Variants in MYO5B observed in about 807,000 individuals in gnomAD.
The protein encoded by MYO5B is unconventional myosin-Vb.
Under a neutral mutation model 229.3 loss-of-function variants are expected in MYO5B, and 143 were observed. The ratio of observed to expected loss-of-function variants is 0.62; its 90% CI spans 0.54 to 0.72. MYO5B has a LOEUF of 0.72. Among genes scored for constraint, MYO5B ranks in the 30% least tolerant of loss-of-function variants. The pLI, the probability that MYO5B is intolerant of heterozygous loss-of-function variation, is 0.00. For missense variants in MYO5B, 2,321 were observed against 2,331.0 expected (o/e 1.00, Z 0.09); for synonymous variants, 918 against 885.2 (o/e 1.04, Z -0.66).
At chr18:49,867,650 A>G (rs1050258956) in intron 27 of MYO5B, among the ~76,000 whole-genome samples, 4 of 152,212 alleles carry the variant, frequency 2.6e-5, no homozygotes, top group Non-Finnish European at 5.9e-5. Context: ...GAGGATGACC[A>G]CTACAAAGTA....
At chr18:50,148,842 G>A (rs1290534359) in intron 1 of MYO5B, among the ~76,000 whole-genome samples, 1 of 152,176 alleles carries the variant, frequency 6.6e-6, no homozygotes, top group Non-Finnish European at 1.5e-5. Flanking sequence ...AGGGCAATTA[G>A]GCAAGAGAAG....
chr18:49,960,957 G>C (rs2025552196), intron 12 of MYO5B, among the ~76,000 whole-genome samples: 2 of 152,204 alleles, frequency 1.3e-5, no homozygotes, highest in South Asian at 4.1e-4. Context: ...TAGCATCCCA[G>C]AGGCCTGGGT....
chr18:50,049,017 A>T (rs1245539637), intron 2 of MYO5B, among the ~76,000 whole-genome samples: 1 of 83,916 alleles, frequency 1.2e-5, no homozygotes, highest in African/African-American at 4.0e-5. Context: ...GTGAGACTCC[A>T]TCTCAGGAAA....
chr18:50,025,053 T>C (rs577014786), intron 4 of MYO5B, among the ~76,000 whole-genome samples: 79 of 152,344 alleles, frequency 5.2e-4, no homozygotes, highest in Non-Finnish European at 6.5e-4. Flanking sequence ...CTCATAGTTA[T>C]GTGGTGCCTA....
chr18:50,030,039 A>C (rs2026370765), intron 4 of MYO5B, among the ~76,000 whole-genome samples: 1 of 152,194 alleles, frequency 6.6e-6, no homozygotes, highest in Non-Finnish European at 1.5e-5. Flanking sequence ...TATTTTATTT[A>C]AAACTTGATC....
At chr18:49,927,050 G>A (rs1360547651) in intron 17 of MYO5B, among the ~76,000 whole-genome samples, 1 of 152,190 alleles carries the variant, frequency 6.6e-6, no homozygotes, top group African/African-American at 2.4e-5. Flanking sequence ...CGCAGTTTCA[G>A]TTTTGCAAGA....
chr18:50,012,844 C>G (rs1409476894), intron 4 of MYO5B, among the ~76,000 whole-genome samples: 1 of 152,202 alleles, frequency 6.6e-6, no homozygotes, highest in Non-Finnish European at 1.5e-5. Context: ...CCTTCCTCCT[C>G]CCATGCAAGG....
At chr18:49,899,158 C>T (rs558452875) in intron 21 of MYO5B, among the ~76,000 whole-genome samples, 1 of 152,188 alleles carries the variant, frequency 6.6e-6, no homozygotes, top group South Asian at 2.1e-4. Flanking sequence ...ACACCTTCAC[C>T]TGTGGTGTCC....
At chr18:50,134,447 C>T (rs1044097302) in intron 1 of MYO5B, among the ~76,000 whole-genome samples, 3 of 151,588 alleles carry the variant, frequency 2.0e-5, no homozygotes, top group East Asian at 3.9e-4. Context: ...CCCAGCTACT[C>T]GGGAGGCTGA....
intron 7 of MYO5B, among the ~76,000 whole-genome samples, chr18:49,986,911 A>G (rs2025876318): frequency 6.6e-6 from 1 of 152,202 alleles, no homozygotes; most frequent in South Asian, 2.1e-4. Flanking sequence ...CCTATTGTAG[A>G]AAAACGACAA....
intron 14 of MYO5B, among the ~76,000 whole-genome samples, chr18:49,949,290 T>C (rs2025407493): frequency 6.6e-6 from 1 of 150,612 alleles, no homozygotes; most frequent in African/African-American, 2.4e-5. Flanking sequence ...TCCTGGTTGA[T>C]AAATTATTCC....
intron 1 of MYO5B, among the ~76,000 whole-genome samples, chr18:50,081,807 T>C (rs2031227904): frequency 6.6e-6 from 1 of 151,902 alleles, no homozygotes; most frequent in Non-Finnish European, 1.5e-5. Flanking sequence ...AAGCCCACAA[T>C]TGAGGAATTC....
chr18:50,036,181 T>C (rs78513036), intron 4 of MYO5B, among the ~76,000 whole-genome samples: 1,759 of 152,328 alleles, frequency 0.012, 13 homozygotes, highest in South Asian at 0.019. Flanking sequence ...GAGACCTGCA[T>C]TTCCCCCAAA....
intron 1 of MYO5B, among the ~76,000 whole-genome samples, chr18:50,166,132 C>A (rs2032848045): frequency 6.6e-6 from 1 of 152,154 alleles, no homozygotes; most frequent in Non-Finnish European, 1.5e-5. Flanking sequence ...GGCGGGGGTT[C>A]TCTGTATTAG....
chr18:49,842,106 A>T (rs2024065292), intron 34 of MYO5B, among the ~76,000 whole-genome samples: 1 of 152,130 alleles, frequency 6.6e-6, no homozygotes, highest in Admixed American at 6.5e-5. Context: ...AAAAAAAAAA[A>T]AAAAGAAATG....
At chr18:50,042,776 C>T (rs1011906691) in intron 2 of MYO5B, among the ~76,000 whole-genome samples, 3 of 152,122 alleles carry the variant, frequency 2.0e-5, no homozygotes, top group African/African-American at 2.4e-5. Context: ...CCTCCTCTCC[C>T]GGGCTCTGCA....
chr18:49,964,420 T>G (rs538410700), intron 10 of MYO5B, among the ~76,000 whole-genome samples: 121 of 152,330 alleles, frequency 7.9e-4, no homozygotes, highest in South Asian at 3.3e-3. Context: ...AGAATTTTTA[T>G]ATCGAGATGT....
Position 50,155,480 on chromosome 18 carries a change from CA to C in MYO5B, c.27+39286del, listed in dbSNP as rs1380431990. Among the ~76,000 whole-genome samples the C allele has an allele frequency of 7.2e-5, 11 of 152,026 alleles. No individual in the cohort carries two copies. In the East Asian group the frequency reaches 1.7e-3, roughly 24 times the overall value. On this transcript the variant is annotated intron_variant, in intron 1 of 39. Transcript: ENST00000285039. ...ACCCTCAGTATTTTGAGATAAAAAACAAAAAAATCTTCCTAAGGATTGAACA... is the reference window on the plus strand; with the variant it reads ...ACCCTCAGTATTTTGAGATAAAAAACAAAAAATCTTCCTAAGGATTGAACA...
intron 5 of MYO5B, among the ~76,000 whole-genome samples, chr18:49,998,488 G>A (rs566668321): frequency 2.6e-5 from 4 of 152,104 alleles, no homozygotes; most frequent in Non-Finnish European, 5.9e-5. Flanking sequence ...ACAGCCTAGC[G>A]GCCTACTCAG....
Sources: gnomAD v4.1 joint callset for allele counts (sites outside exome capture counted in the v4.1 genomes callset) on GRCh38, gnomAD v4.1.1 for gene constraint, MANE v1.5 for transcripts, NCBI Gene and HGNC (gene_info 2026-07-23, HGNC 2026-07-21) for gene names.